CAMTA1: variants seen among roughly 807,000 people sequenced by gnomAD.
CAMTA1 encodes the protein calmodulin binding transcription activator 1, also known as calmodulin-binding transcription activator 1.
A neutral mutation model predicts 170.9 loss-of-function variants in CAMTA1; 27 were observed. The ratio of observed to expected loss-of-function variants is 0.16; its 90% confidence interval spans 0.12 to 0.22. CAMTA1 has a LOEUF of 0.22. Among genes scored for constraint, CAMTA1 ranks in the 10% least tolerant of loss-of-function variants. The pLI is 1.00. For missense variants in CAMTA1, 1,619 were observed against 2,217.2 expected (o/e 0.73, Z 5.42); for synonymous variants, 833 against 891.5 (o/e 0.93, Z 1.17).
chr1:7,508,922 G>T (rs1193180), intron 6 of CAMTA1, among the ~76,000 whole-genome samples: 42,676 of 152,138 alleles, frequency 0.28, 6,344 homozygotes, highest in Middle Eastern at 0.34. Flanking sequence ...AGGAAGAAAG[G>T]GAAGGCCCCT....
Position 7,224,775 on chromosome 1 carries a change from G to T in CAMTA1, c.303-24716G>T, listed in dbSNP as rs371536741. 1.3e-5 allele frequency among the ~76,000 whole-genome samples: 2 copies of T among 152,004 alleles called. No homozygotes were observed. The highest frequency in any genetic ancestry group is 1.5e-5 in the Non-Finnish European group (1 of 68,016). The stretch of plus-strand genomic sequence containing the variant: ...TTTGGTGGATATGCCTCCCTGCCCC[G>T]CTCCCCAGGGCCCTGCTCCGTAGCT... On this transcript the variant is annotated intron_variant, in intron 4 of 22. Coordinates refer to ENST00000303635, the MANE Select transcript of CAMTA1 (RefSeq NM_015215.4). The surrounding 1 kb of genome is among the most constrained non-coding windows in gnomAD (Gnocchi z 5.2).
intron 6 of CAMTA1, among the ~76,000 whole-genome samples, chr1:7,526,918 C>A (rs116689543): frequency 0.015 from 2,342 of 152,296 alleles, 74 homozygotes; most frequent in African/African-American, 0.054. Flanking sequence ...CATTAAGCTA[C>A]GTTATTCCTT....
chr1:7,351,774 G>A (rs1428373943), intron 5 of CAMTA1, among the ~76,000 whole-genome samples: 2 of 152,222 alleles, frequency 1.3e-5, no homozygotes, highest in Non-Finnish European at 2.9e-5. Context: ...ACTCGGAGCT[G>A]TGCATAAATC....
In CAMTA1 at chr1:7,456,756, C is replaced by T. The variant is rs962228102; in HGVS notation, c.439-11074C>T. ...GGGTGAGGAGCTGGGCTGCCTTCCC[C>T]AAAGCGGTTTGGCAGGTGCTGGGAC... On this transcript the variant is annotated intron_variant, in intron 5 of 22. Transcript: ENST00000303635. This position sits in a 1 kb window ranked among gnomAD's most constrained non-coding sequence, Gnocchi z 4.9. Among the ~76,000 whole-genome samples the T allele has an allele frequency of 4.6e-5, 7 of 152,236 alleles. No homozygotes were observed. The highest frequency in any genetic ancestry group is 1.7e-4 in the African/African-American group (7 of 41,470).
intron 3 of CAMTA1, among the ~76,000 whole-genome samples, chr1:6,877,149 G>C (rs1346387761): frequency 6.6e-6 from 1 of 152,236 alleles, no homozygotes; most frequent in Non-Finnish European, 1.5e-5. Flanking sequence ...TTAACTGCCT[G>C]CCTCTAGACA....
At chr1:7,241,478 C>T (rs1243838890) in intron 4 of CAMTA1, among the ~76,000 whole-genome samples, 1 of 152,156 alleles carries the variant, frequency 6.6e-6, no homozygotes, top group Non-Finnish European at 1.5e-5. Context: ...ATACAAAGGA[C>T]TTAAAATAGC....
At chr1:7,086,204 TTTC>T (rs1640720279) in intron 3 of CAMTA1, among the ~76,000 whole-genome samples, 1 of 151,814 alleles carries the variant, frequency 6.6e-6, no homozygotes, top group Non-Finnish European at 1.5e-5. Context: ...CTGCAGCAAA[TTTC>T]TTCATCTTGA....
At chr1:7,643,796 C>T (rs781192869) in intron 7 of CAMTA1, among the ~76,000 whole-genome samples, 1 of 152,232 alleles carries the variant, frequency 6.6e-6, no homozygotes, top group Non-Finnish European at 1.5e-5. Context: ...ACGGCTCTGA[C>T]AGAAACACAG....
chr1:6,910,311 G>A (rs911044252), intron 3 of CAMTA1, among the ~76,000 whole-genome samples: 33 of 152,348 alleles, frequency 2.2e-4, no homozygotes, highest in Non-Finnish European at 2.5e-4. Context: ...AGGAGAAGCT[G>A]TAGTCTCAAA....
chr1:7,468,037 C>A lies in CAMTA1; in HGVS notation c.510+136C>A, dbSNP rs146734233. The stretch of plus-strand genomic sequence containing the variant: ...CTGGTGAGCTTGCCTAGGGAGACTT[C>A]GGCTGTTGCGGCACTGAGGCCAGCT... On this transcript the variant is annotated intron_variant, in intron 6 of 22. Transcript: ENST00000303635. The A allele has an allele frequency of 6.9e-5, 49 of 710,650 alleles. No homozygotes were observed. The East Asian group carries it at 1.2e-3, about 18-fold the overall frequency. The allele number at this position is 710,650 out of a possible 1,614,324, so 44.0% of individuals were successfully genotyped here.
chr1:7,209,640 C>G (rs1372130517), intron 4 of CAMTA1, among the ~76,000 whole-genome samples: 1 of 152,200 alleles, frequency 6.6e-6, no homozygotes, highest in Non-Finnish European at 1.5e-5. Flanking sequence ...CACCTACCTA[C>G]TCCACAGGTC....
At chr1:7,515,615 C>T (rs1351412838) in intron 6 of CAMTA1, among the ~76,000 whole-genome samples, 2 of 152,138 alleles carry the variant, frequency 1.3e-5, no homozygotes, top group African/African-American at 4.8e-5. Flanking sequence ...CTCCCTACAC[C>T]CTATTCCACC....
In CAMTA1 at chr1:7,547,114, A is replaced by G. The variant is rs2094703894; in HGVS notation, c.510+79213A>G. ...GATTTGGTTGGTGGACCTCCATTCA[A>G]GCTGGTTTCTGGGTCATTTGATATA... On this transcript the variant is annotated intron_variant, in intron 6 of 22. Transcript: ENST00000303635. The surrounding 1 kb of genome is among the most constrained non-coding windows in gnomAD (Gnocchi z 5.7). Among the ~76,000 whole-genome samples the G allele has an allele frequency of 6.6e-6, 1 of 152,116 alleles. No homozygotes were observed. Among genetic ancestry groups the G allele is most frequent in the Non-Finnish European group, 1.5e-5 (1 of 68,024 alleles).
At chr1:7,297,393 C>G (rs1265140173) in intron 5 of CAMTA1, among the ~76,000 whole-genome samples, 1 of 152,208 alleles carries the variant, frequency 6.6e-6, no homozygotes, top group African/African-American at 2.4e-5. Flanking sequence ...AGGGTATAGT[C>G]CTTGTTCCTA....
intron 2 of CAMTA1, among the ~76,000 whole-genome samples, chr1:6,823,243 T>C (rs1420222550): frequency 6.6e-6 from 1 of 152,110 alleles, no homozygotes; most frequent in Admixed American, 6.6e-5. Context: ...TTTAAAGTTT[T>C]ATGGCCCGTG....
intron 3 of CAMTA1, chr1:6,874,029 A>C (rs1476956012): frequency 2.0e-5 from 3 of 152,246 alleles, no homozygotes; most frequent in Admixed American, 6.5e-5. Context: ...CTTAAAATAT[A>C]GGAGTTGTAA....
At chr1:7,398,193 C>CTCTA (rs1557651862) in intron 5 of CAMTA1, among the ~76,000 whole-genome samples, 1 of 16,894 alleles carries the variant, frequency 5.9e-5, no homozygotes, top group African/African-American at 1.9e-4. Context: ...CTCTCTCTCT[C>CTCTA]TATATATATA....
chr1:7,710,600 CAAAAAA>C (rs60019262), intron 11 of CAMTA1, among the ~76,000 whole-genome samples: 26 of 82,738 alleles, frequency 3.1e-4, no homozygotes, highest in Admixed American at 4.0e-4. Context: ...GACCCTGTCT[CAAAAAA>C]AAAAAAAAAA....
intron 4 of CAMTA1, among the ~76,000 whole-genome samples, chr1:7,185,405 C>T (rs1333594879): frequency 6.6e-6 from 1 of 152,134 alleles, no homozygotes; most frequent in Non-Finnish European, 1.5e-5. Context: ...CTGACACACT[C>T]ATGGAGATGT....
Sources: allele counts gnomAD v4.1 joint callset (sites outside exome capture counted in the v4.1 genomes callset), GRCh38; gene constraint gnomAD v4.1.1; non-coding constraint Gnocchi (gnomAD v3.1); transcripts MANE v1.5; gene names NCBI Gene and HGNC (gene_info 2026-07-23, HGNC 2026-07-21).